The following NCOA1 variants were observed in gnomAD, a reference collection of about 807,000 sequenced individuals.
NCOA1 encodes nuclear receptor coactivator 1, also known as Hin-2 protein.
A neutral mutation model predicts 150.9 loss-of-function variants in NCOA1; 35 were observed. That is an observed-to-expected ratio of 0.23 (90% CI 0.18 to 0.31). The LOEUF is 0.31. NCOA1 is among the 10% of genes least tolerant of loss of function. The pLI is 1.00. For missense variants in NCOA1, 1,491 were observed against 1,749.3 expected, an observed-to-expected ratio of 0.85 and a Z score of 2.63; for synonymous variants, 590 against 630.0, an observed-to-expected ratio of 0.94 and a Z score of 0.95.
At chr2:24,724,818 T>C (rs1674526781) in intron 14 of NCOA1, among the ~76,000 whole-genome samples, 1 of 152,138 alleles carries the variant, frequency 6.6e-6, no homozygotes, top group Non-Finnish European at 1.5e-5. Context: ...GGAATTAACA[T>C]GTAGGCAGAG....
At chr2:24,545,933 G>A (rs1470617861) in intron 1 of NCOA1, among the ~76,000 whole-genome samples, 1 of 152,132 alleles carries the variant, frequency 6.6e-6, no homozygotes, top group Admixed American at 6.5e-5. Context: ...GGGATTACAA[G>A]TGCATGCCAC....
intron 3 of NCOA1, among the ~76,000 whole-genome samples, chr2:24,613,480 C>T (rs1326703463): frequency 1.3e-5 from 2 of 152,158 alleles, no homozygotes; most frequent in Non-Finnish European, 2.9e-5. Context: ...AGCCAATGGG[C>T]AGCCACCAAG....
intron 3 of NCOA1, among the ~76,000 whole-genome samples, chr2:24,595,674 A>G (rs1667855207): frequency 6.6e-6 from 1 of 152,168 alleles, no homozygotes; most frequent in South Asian, 2.1e-4. Flanking sequence ...CAGGGGACAC[A>G]ATGAGGCGTC....
intron 1 of NCOA1, among the ~76,000 whole-genome samples, chr2:24,557,461 C>A (rs1666116646): frequency 6.6e-6 from 1 of 151,962 alleles, no homozygotes; most frequent in Non-Finnish European, 1.5e-5. Context: ...TATTTATCTT[C>A]CAATGCTCTT....
intron 1 of NCOA1, among the ~76,000 whole-genome samples, chr2:24,531,264 C>A (rs1445602959): frequency 6.6e-6 from 1 of 152,078 alleles, no homozygotes; most frequent in Non-Finnish European, 1.5e-5. Flanking sequence ...GATGAAATCA[C>A]CACCTTGTAA....
At position 24,693,359 on chromosome 2, in the gene NCOA1, A is replaced by G. The variant is rs1435611053; in HGVS notation, c.808+12A>G. ...GCAAGATACTACAGGTACTAATTGT[A>G]AAGTTCAGAATGTTCCATAGGTATT... On this transcript the variant is annotated intron_variant, in intron 10 of 22. Transcript: ENST00000348332. 6.3e-7 allele frequency: 1 copy of G among 1,599,716 alleles called. No homozygotes were observed. The highest frequency in any genetic ancestry group is 1.1e-5 in the South Asian group (1 of 90,788).
intron 10 of NCOA1, among the ~76,000 whole-genome samples, chr2:24,695,302 G>A (rs1020585523): frequency 1.3e-4 from 20 of 151,956 alleles, no homozygotes; most frequent in Non-Finnish European, 2.4e-4. Context: ...GAGAGAGAGG[G>A]AACCTCCAAT....
At chr2:24,691,387 A>C in intron 8 of NCOA1, 94 bp from the exon 9 acceptor site, 1 of 1,145,960 alleles carries the variant, frequency 8.7e-7, no homozygotes. Context: ...TGAGTATCTA[A>C]TTAAGCAGAT....
At chr2:24,562,396 C>A (rs1268834015) in intron 1 of NCOA1, among the ~76,000 whole-genome samples, 1 of 152,188 alleles carries the variant, frequency 6.6e-6, no homozygotes, top group Non-Finnish European at 1.5e-5. Flanking sequence ...CCAAAAGAAT[C>A]TGCAGTCTGA....
At chr2:24,730,871 C>CAAAAAAAAAAAAA (rs35975198) in intron 17 of NCOA1, among the ~76,000 whole-genome samples, 6 of 61,786 alleles carry the variant, frequency 9.7e-5, no homozygotes, top group South Asian at 7.8e-4. Flanking sequence ...ACTAAAAGTA[C>CAAAAAAAAAAAAA]AAAAAAAAAA....
chr2:24,656,155 A>G (rs1206038004), intron 4 of NCOA1, among the ~76,000 whole-genome samples: 1 of 152,030 alleles, frequency 6.6e-6, no homozygotes, highest in African/African-American at 2.4e-5. Flanking sequence ...ATATGAGAGA[A>G]GAGGCTAGAA....
chr2:24,613,370 A>C (rs1469358777), intron 3 of NCOA1, among the ~76,000 whole-genome samples: 1 of 152,160 alleles, frequency 6.6e-6, no homozygotes, highest in Non-Finnish European at 1.5e-5. Context: ...CAGTGGTCTG[A>C]GCTACTTGCT....
rs964339499 is a variant in NCOA1, at chr2:24,513,396, CT to C, written c.-396+21803del. Among the ~76,000 whole-genome samples, 105 of 151,350 alleles carry C rather than the reference CT, an allele frequency of 6.9e-4. 1 individual carries two copies. The highest frequency in any genetic ancestry group is 9.3e-4 in the Non-Finnish European group (63 of 67,774). On this transcript the variant is annotated intron_variant, in intron 1 of 22. Transcript: ENST00000348332. Reference sequence around the variant, plus strand: ...TACTGCAATATGCTCTTGCAGTACCCTTTTTTTTTCTCATCCTTTTTTTCCT... The same window carrying C: ...TACTGCAATATGCTCTTGCAGTACCCTTTTTTTTCTCATCCTTTTTTTCCT...
Position 24,665,746 on chromosome 2 carries a change from C to T in NCOA1, c.90-3C>T, listed in dbSNP as rs1308857615. The stretch of plus-strand genomic sequence containing the variant: ...CACTAACTGGATTTTCTTTGTGTAA[C>T]AGCACGGAAAAGAGGCGCAGGGAGC... On this transcript the variant is annotated splice_polypyrimidine_tract_variant and splice_region_variant and intron_variant, in intron 5 of 22. Coordinates refer to ENST00000348332, the MANE Select transcript of NCOA1 (RefSeq NM_003743.5). 4 of 1,537,692 alleles carry T rather than the reference C, an allele frequency of 2.6e-6. No individual in the cohort carries two copies. Among genetic ancestry groups the T allele is most frequent in the East Asian group, 2.4e-5 (1 of 41,204 alleles).
chr2:24,754,044 T>A (rs1421305100), intron 20 of NCOA1, among the ~76,000 whole-genome samples: 1 of 152,180 alleles, frequency 6.6e-6, no homozygotes, highest in Non-Finnish European at 1.5e-5. Flanking sequence ...GAAAAGTCTT[T>A]CTCTTTCTCA....
Position 24,543,072 on chromosome 2 carries a change from C to A in NCOA1, c.-395-21223C>A, listed in dbSNP as rs192449151. ...TTGCTATAACAGAATATACCTGAGA[C>A]TGGTAATTCATAAAAGTTTACTGGG... On this transcript the variant is annotated intron_variant, in intron 1 of 22. Transcript: ENST00000348332. Among the ~76,000 whole-genome samples, 15 of 152,280 alleles carry A rather than the reference C, an allele frequency of 9.9e-5. No homozygotes were observed. In the East Asian group the frequency reaches 2.9e-3, roughly 29 times the overall value.
At chr2:24,624,092 T>C (rs747477821) in intron 3 of NCOA1, among the ~76,000 whole-genome samples, 1 of 152,180 alleles carries the variant, frequency 6.6e-6, no homozygotes, top group African/African-American at 2.4e-5. Flanking sequence ...GAGGGTAAAA[T>C]TGGTGCCTTC....
chr2:24,685,564 C>A (rs1426823432), intron 8 of NCOA1, among the ~76,000 whole-genome samples: 1 of 152,130 alleles, frequency 6.6e-6, no homozygotes, highest in Non-Finnish European at 1.5e-5. Context: ...GATGGAGACA[C>A]GATAGTGCTT....
intron 5 of NCOA1, among the ~76,000 whole-genome samples, chr2:24,661,408 A>G (rs1381605809): frequency 2.6e-5 from 4 of 151,880 alleles, no homozygotes; most frequent in Admixed American, 2.6e-4. Flanking sequence ...TTTTCTGGTT[A>G]TTAACCTTTT....
Sources: gnomAD v4.1 joint callset for allele counts (sites outside exome capture counted in the v4.1 genomes callset) on GRCh38, gnomAD v4.1.1 for gene constraint, MANE v1.5 for transcripts, NCBI Gene and HGNC (gene_info 2026-07-23, HGNC 2026-07-21) for gene names.